The following BLTP2 variants were observed in gnomAD, a reference collection of about 807,000 sequenced individuals.
BLTP2 encodes the protein bridge-like lipid transfer protein family member 2.
the BLTP2 span, among the ~76,000 whole-genome samples, chr17:28,622,312 G>A: frequency 3.3e-5 from 5 of 152,052 alleles, no homozygotes; most frequent in African/African-American, 9.7e-5. Context: ...ACCAACAACC[G>A]GTCCCTTACA....
At chr17:28,632,316 G>A in the BLTP2 span, 1 of 1,349,462 alleles carries the variant, frequency 7.4e-7, no homozygotes, top group Admixed American at 2.2e-5. Flanking sequence ...CTTGCTGCAG[G>A]TTGTAGAGGT....
At chr17:28,624,303 C>T in the BLTP2 span, 1,547 of 1,614,106 alleles carry the variant, frequency 9.6e-4, 1 homozygote, top group Non-Finnish European at 1.1e-3. Context: ...AGCAATGCCA[C>T]ACAACTGGTC....
chr17:28,633,124 C>A, the BLTP2 span: 1 of 1,586,702 alleles, frequency 6.3e-7, no homozygotes. Flanking sequence ...CAGTGTCATG[C>A]AGAGGTCAGG....
chr17:28,627,167 G>A, the BLTP2 span, among the ~76,000 whole-genome samples: 2 of 152,130 alleles, frequency 1.3e-5, no homozygotes, highest in East Asian at 1.9e-4. Context: ...AATTGTTTTC[G>A]AGTGAGGGAA....
the BLTP2 span, chr17:28,616,921 C>T: frequency 6.2e-7 from 1 of 1,614,098 alleles, no homozygotes; most frequent in Non-Finnish European, 8.5e-7. This position sits in a 1 kb window ranked among gnomAD's most constrained non-coding sequence, Gnocchi z 4.8. Context: ...ATACCCCCAA[C>T]AGGGGGCCGA....
chr17:28,644,968 G>A, the BLTP2 span: 5 of 1,561,106 alleles, frequency 3.2e-6, no homozygotes, highest in Non-Finnish European at 4.3e-6. Context: ...CGCCGCCGCC[G>A]GCGCGGCCGG....
chr17:28,617,252 G>T, the BLTP2 span: 1 of 1,614,038 alleles, frequency 6.2e-7, no homozygotes, highest in Non-Finnish European at 8.5e-7. Flanking sequence ...GCATTGGGGA[G>T]GAGGTTGTTC....
the BLTP2 span, among the ~76,000 whole-genome samples, chr17:28,636,114 G>A: frequency 5.9e-5 from 9 of 152,310 alleles, no homozygotes; most frequent in Non-Finnish European, 1.2e-4. Context: ...GCTGACTTAC[G>A]TAAAAGTATG....
At chr17:28,630,735 T>C in the BLTP2 span, among the ~76,000 whole-genome samples, 1 of 148,272 alleles carries the variant, frequency 6.7e-6, no homozygotes, top group Non-Finnish European at 1.5e-5. Context: ...CCATCCGCCT[T>C]GGCCTCCCAA....
the BLTP2 span, among the ~76,000 whole-genome samples, chr17:28,627,573 A>AT: frequency 2.6e-5 from 4 of 152,008 alleles, no homozygotes; most frequent in African/African-American, 4.8e-5. Context: ...TGCACGGCTA[A>AT]TTTTTTTGTA....
chr17:28,617,427 C>T, the BLTP2 span: 1 of 702,416 alleles, frequency 1.4e-6, no homozygotes, highest in East Asian at 2.7e-5. Context: ...TGCCTAATCC[C>T]AACCTTGAGA....
chr17:28,623,660 T>C, the BLTP2 span: 2 of 967,430 alleles, frequency 2.1e-6, no homozygotes, highest in Non-Finnish European at 3.2e-6. Flanking sequence ...ATTATTCTGC[T>C]AAGCTAGTAA....
At chr17:28,621,064 A>C in the BLTP2 span, 2 of 1,614,202 alleles carry the variant, frequency 1.2e-6, no homozygotes, top group Non-Finnish European at 1.7e-6. Context: ...TTGCTAGTTC[A>C]GGATCAATGT....
the BLTP2 span, chr17:28,614,614 C>T: frequency 6.4e-6 from 1 of 156,962 alleles, no homozygotes; most frequent in Non-Finnish European, 1.4e-5. Flanking sequence ...CTCCAGAACA[C>T]CAATACCTCT....
the BLTP2 span, among the ~76,000 whole-genome samples, chr17:28,627,874 T>G: frequency 6.6e-6 from 1 of 152,170 alleles, no homozygotes; most frequent in Non-Finnish European, 1.5e-5. Context: ...TTGGCCAGGC[T>G]GGTCTTGAAC....
the BLTP2 span, among the ~76,000 whole-genome samples, chr17:28,622,506 A>G: frequency 1.3e-4 from 20 of 152,194 alleles, no homozygotes; most frequent in Non-Finnish European, 1.9e-4. Flanking sequence ...ATACAGCTAA[A>G]TCCTGTAACT....
chr17:28,633,027 C>G, the BLTP2 span: 1 of 1,585,306 alleles, frequency 6.3e-7, no homozygotes, highest in Non-Finnish European at 8.6e-7. Flanking sequence ...GAAGCTGGCC[C>G]AAGGGCACCT....
chr17:28,615,414 C>A, the BLTP2 span, among the ~76,000 whole-genome samples: 4 of 152,148 alleles, frequency 2.6e-5, no homozygotes, highest in East Asian at 7.7e-4. Flanking sequence ...AATTATAACC[C>A]CTTCTAAACT....
the BLTP2 span, chr17:28,633,577 T>C: frequency 1.9e-6 from 3 of 1,614,132 alleles, no homozygotes; most frequent in Non-Finnish European, 2.5e-6. Context: ...CAGGTTCGCC[T>C]GTTCAATGTC....
Sources: gnomAD v4.1 joint callset for allele counts (sites outside exome capture counted in the v4.1 genomes callset) on GRCh38, gnomAD v4.1.1 for gene constraint, Gnocchi (gnomAD v3.1) non-coding constraint, MANE v1.5 for transcripts, NCBI Gene and HGNC (gene_info 2026-07-23, HGNC 2026-07-21) for gene names.